The following ZNF577 variants were observed in gnomAD, a reference collection of about 807,000 sequenced individuals.
The protein encoded by ZNF577 is zinc finger protein 577.
A neutral mutation model predicts 13.9 loss-of-function variants in ZNF577; 14 were observed. That is an observed-to-expected ratio of 1.00 (90% CI 0.66 to 1.57). The LOEUF is 1.57. Ranked by LOEUF, ZNF577 falls within the 40% of genes most tolerant of loss-of-function variation. The pLI is 0.00. For missense variants in ZNF577, 555 were observed against 579.2 expected (o/e 0.96, Z 0.43); for synonymous variants, 203 against 202.9 (o/e 1.00, Z 0.00).
At chr19:51,814,441 CG>C (rs1473907378) in intron 9 of ZNF577, among the ~76,000 whole-genome samples, 1 of 152,094 alleles carries the variant, frequency 6.6e-6, no homozygotes, top group Non-Finnish European at 1.5e-5. Flanking sequence ...TATTGGATAA[CG>C]GGTACTCTCT....
rs199803652 is a variant in ZNF577 at position 51,872,721 on chromosome 19, C to T, written c.1269G>A (p.Pro423=). ...GGCGCTCACTCTTGTTTAACAATGG[C>T]GGGGTTCCTGAGGAAGGCATTTCTA... is the stretch of plus-strand genomic sequence containing the variant. ...VPIEMPSSGT[P]PLLNKSERLV... Residue 423 remains proline, a synonymous_variant, in exon 6 of 6, where the codon CCG becomes CCA. Transcript: ENST00000638348. 302 of 1,614,126 alleles carry T rather than the reference C, an allele frequency of 1.9e-4. 5 individuals carry two copies. The Admixed American group carries it at 3.6e-3, about 20-fold the overall frequency.
rs994183304 is a variant in ZNF577, at chr19:51,887,912, G to C, written c.-1310C>G. 6.6e-5 allele frequency: 10 copies of C among 152,204 alleles called. No homozygotes were observed. The highest frequency in any genetic ancestry group is 8.8e-5 in the Non-Finnish European group (6 of 68,054). The allele number at this position is 152,204 out of a possible 1,614,324, so 9.4% of individuals were successfully genotyped here. A position where few individuals can be genotyped will look rare whatever the true frequency, so the allele number is the denominator to read the frequency against. On this transcript the variant is annotated 5_prime_UTR_variant, in exon 1 of 6. Transcript: ENST00000638348. Reference sequence around the variant, plus strand: ...AACACTCGCCTCTACCCGCCGCCCCGCGAACCCCACACACTGCAGACGCGA... The same window carrying C: ...AACACTCGCCTCTACCCGCCGCCCCCCGAACCCCACACACTGCAGACGCGA...
chr19:51,855,367 C>CTGTGTGTG (rs55937420), intron 5 of ZNF577, among the ~76,000 whole-genome samples: 4,259 of 143,428 alleles, frequency 0.03, 77 homozygotes, highest in East Asian at 0.053. Flanking sequence ...GCTGAGGGTG[C>CTGTGTGTG]TGTGTGTGTG....
Position 51,869,108 on chromosome 19 carries a change from G to A in ZNF577, c.*3424C>T, listed in dbSNP as rs775680257. ...CTCGTGGGAAGGGAAAGACCTGACC[G>A]TCCCCAAGCCCGATACCCATAAAGG... is the stretch of plus-strand genomic sequence containing the variant. On this transcript the variant is annotated 3_prime_UTR_variant, in exon 6 of 6. Transcript: ENST00000638348. Among the ~76,000 whole-genome samples, 47 of 152,254 alleles carry A rather than the reference G, an allele frequency of 3.1e-4. No individual in the cohort carries two copies. Among genetic ancestry groups the A allele is most frequent in the Non-Finnish European group, 5.4e-4 (37 of 68,018 alleles).
At chr19:51,880,447 G>C in intron 2 of ZNF577, 46 bp from the exon 3 acceptor site, 1 of 1,554,562 alleles carries the variant, frequency 6.4e-7, no homozygotes, top group Non-Finnish European at 8.9e-7. Flanking sequence ...AAAACCCACA[G>C]GGTCTTAACA....
chr19:51,879,462 A>G (rs1234783574), intron 3 of ZNF577, among the ~76,000 whole-genome samples: 2 of 146,490 alleles, frequency 1.4e-5, no homozygotes, highest in African/African-American at 5.1e-5. Flanking sequence ...CCAGTTACTC[A>G]GGAGGCTGAG....
At chr19:51,851,773 C>T (rs2084379860) in intron 5 of ZNF577, among the ~76,000 whole-genome samples, 1 of 152,188 alleles carries the variant, frequency 6.6e-6, no homozygotes, top group African/African-American at 2.4e-5. Flanking sequence ...TCTCCCAATG[C>T]CAAGATCTGG....
At chr19:51,849,509 CA>C (rs2084369696) in intron 5 of ZNF577, among the ~76,000 whole-genome samples, 1 of 152,186 alleles carries the variant, frequency 6.6e-6, no homozygotes, top group African/African-American at 2.4e-5. Context: ...TGTGAGGACA[CA>C]GCAAGAAATC....
In ZNF577 at chr19:51,870,107, C is replaced by T. The variant is rs1186929916; in HGVS notation, c.*2425G>A. On this transcript the variant is annotated 3_prime_UTR_variant, in exon 6 of 6. Transcript: ENST00000638348. ...GACTGAGCTTCATCTGCCCCTTGTT[C>T]AGGTGGGGGGAACCCATCAGTAAAT... Among the ~76,000 whole-genome samples the T allele has an allele frequency of 1.3e-5, 2 of 152,198 alleles. No homozygotes were observed. The highest frequency in any genetic ancestry group is 1.3e-4 in the Admixed American group (2 of 15,274).
chr19:51,847,580 G>A (rs1290351687), intron 5 of ZNF577, among the ~76,000 whole-genome samples: 1 of 152,110 alleles, frequency 6.6e-6, no homozygotes, highest in East Asian at 1.9e-4. Flanking sequence ...CAGGGAGCAC[G>A]ATGAGGAGAG....
At chr19:51,842,208 G>A (rs1004080789) in intron 8 of ZNF577, among the ~76,000 whole-genome samples, 3 of 152,168 alleles carry the variant, frequency 2.0e-5, no homozygotes, top group Non-Finnish European at 1.5e-5. Flanking sequence ...CTCAACCAGA[G>A]GGAGAAAGAG....
In ZNF577 at chr19:51,824,627, T is replaced by A. The variant is rs776156120; in HGVS notation, c.*600-12953A>T. 10 of 1,614,068 alleles carry A rather than the reference T, an allele frequency of 6.2e-6. No homozygotes were observed. The highest frequency in any genetic ancestry group is 1.1e-5 in the South Asian group (1 of 91,092). ...ACCCAACAAGCTCCTTGGCCTTTTT[T>A]AACAGCTGCCTCAACCCAATTCTCT... On this transcript the variant is annotated intron_variant and NMD_transcript_variant, in intron 9 of 10. Transcript: ENST00000638827. This position sits in a 1 kb window ranked among gnomAD's most constrained non-coding sequence, Gnocchi z 4.7.
At chr19:51,880,496 A>T in intron 2 of ZNF577, 95 bp from the exon 3 acceptor site, 2 of 1,032,644 alleles carry the variant, frequency 1.9e-6, no homozygotes, top group Non-Finnish European at 3.0e-6. Flanking sequence ...ACTTTCACAA[A>T]CCCCCTGATC....
chr19:51,878,269 C>T, intron 4 of ZNF577, 120 bp downstream of exon 4: 2 of 1,118,274 alleles, frequency 1.8e-6, no homozygotes, highest in South Asian at 2.1e-5. Flanking sequence ...TATATTTTAC[C>T]ACCACAACAA....
chr19:51,880,234 T>C, intron 3 of ZNF577, 89 bp downstream of exon 3: 2 of 1,356,504 alleles, frequency 1.5e-6, no homozygotes, highest in Non-Finnish European at 1.1e-6. Context: ...ATGCCTTTAT[T>C]ACAAGGCTGA....
Position 51,873,112 on chromosome 19 carries a change from G to A in ZNF577, c.878C>T (p.Thr293Ile), listed in dbSNP as rs767787433. The A allele has an allele frequency of 7.4e-6, 12 of 1,614,118 alleles. No individual in the cohort carries two copies. The East Asian group carries it at 2.2e-4, about 30-fold the overall frequency. ...ACTGCATTTATAAGGCTTATCTCCTGTGTGAAGTCTCTGGTGTGCAGTGAG... is the reference window on the plus strand; with the variant it reads ...ACTGCATTTATAAGGCTTATCTCCTATGTGAAGTCTCTGGTGTGCAGTGAG... ...AYLTAHQRLH[T>I]GDKPYKCSDC... Residue 293 changes from threonine (T) to isoleucine (I), a missense_variant, in exon 6 of 6, where the codon ACA becomes ATA. By Grantham distance (89) the Thr-to-Ile change is moderately conservative. Coordinates refer to ENST00000638348, the MANE Select transcript of ZNF577 (RefSeq NM_001370449.1).
intron 5 of ZNF577, among the ~76,000 whole-genome samples, chr19:51,852,719 G>A (rs529244205): frequency 1.3e-5 from 2 of 152,300 alleles, no homozygotes; most frequent in Admixed American, 1.3e-4. Flanking sequence ...TGGATAAATA[G>A]GACTTCTGGA....
chr19:51,816,064 TA>T (rs200656360), intron 9 of ZNF577, among the ~76,000 whole-genome samples: 44,104 of 138,918 alleles, frequency 0.32, 6,707 homozygotes, highest in South Asian at 0.4. Flanking sequence ...GAGATCCTAT[TA>T]AAAAAAAAAA....
chr19:51,824,824 T>C lies in ZNF577; in HGVS notation c.*600-13150A>G. ...CAAGCAATGTGAGGTCGGGGATATT[T>C]TTGGGCTCTGTCTCTTTCTACCCTG... On this transcript the variant is annotated intron_variant and NMD_transcript_variant, in intron 9 of 10. Coordinates refer to the ZNF577 transcript ENST00000638827. This position sits in a 1 kb window ranked among gnomAD's most constrained non-coding sequence, Gnocchi z 4.7. The C allele has an allele frequency of 1.3e-6, 2 of 1,590,802 alleles. No individual in the cohort carries two copies. Among genetic ancestry groups the C allele is most frequent in the Non-Finnish European group, 1.7e-6 (2 of 1,167,160 alleles).
Sources: allele counts gnomAD v4.1 joint callset (sites outside exome capture counted in the v4.1 genomes callset), GRCh38; gene constraint gnomAD v4.1.1; non-coding constraint Gnocchi (gnomAD v3.1); transcripts MANE v1.5; gene names NCBI Gene and HGNC (gene_info 2026-07-23, HGNC 2026-07-21).